CD36: variants seen among roughly 807,000 people sequenced by gnomAD.
The protein encoded by CD36 is CD36 molecule (CD36 blood group).
Under a neutral mutation model 55.2 loss-of-function variants are expected in CD36, and 119 were observed. That is an observed-to-expected ratio of 2.15 (90% confidence interval 1.86 to 2.51). The LOEUF (loss-of-function observed/expected upper bound fraction) is 2.51, where lower values mean the gene tolerates loss of function less well. Ranked by LOEUF, CD36 falls within the 30% of genes most tolerant of loss-of-function variation. The probability of loss-of-function intolerance (pLI) is 0.00; values close to 1 mark genes in which losing one functional copy is unlikely to be tolerated. For missense variants in CD36, 819 were observed against 555.5 expected (o/e 1.47, Z -4.77); for synonymous variants, 186 against 193.6 (o/e 0.96, Z 0.33).
At chr7:80,671,804 G>T in intron 10 of CD36, 118 bp from the exon 11 acceptor site, 1 of 865,242 alleles carries the variant, frequency 1.2e-6, no homozygotes, top group Non-Finnish European at 1.9e-6. Flanking sequence ...CCCCACCCAT[G>T]TTAAAAACCA....
At chr7:80,640,580 T>G (rs75059733) in intron 1 of CD36, among the ~76,000 whole-genome samples, 1,769 of 152,118 alleles carry the variant, frequency 0.012, 40 homozygotes, top group African/African-American at 0.04. Flanking sequence ...ATTTTTGGCA[T>G]TACAAACTTT....
intron 8 of CD36, among the ~76,000 whole-genome samples, chr7:80,669,736 A>T (rs1347617988): frequency 6.6e-6 from 1 of 152,098 alleles, no homozygotes; most frequent in Non-Finnish European, 1.5e-5. Flanking sequence ...ACCTCAGGTG[A>T]TCCACCCGCC....
At chr7:80,663,745 C>T (rs1298421171) in intron 6 of CD36, among the ~76,000 whole-genome samples, 1 of 152,076 alleles carries the variant, frequency 6.6e-6, no homozygotes, top group African/African-American at 2.4e-5. Context: ...TTGATTACCG[C>T]TTAATGTTTT....
chr7:80,609,610 T>C (rs1382941535), intron 1 of CD36, among the ~76,000 whole-genome samples: 6 of 152,230 alleles, frequency 3.9e-5, no homozygotes, highest in Non-Finnish European at 7.3e-5. Context: ...AAGAATACTT[T>C]AGGAATGTAT....
chr7:80,671,123 G>T lies in CD36; in HGVS notation c.965G>T (p.Cys322Phe), dbSNP rs143960084. ...ACAGAAAAAATTATCTCAAAAAATT[G>T]TACATCATATGGTGTGCTAGACATC... Reference protein sequence around the residue: ...FCTEKIISKNCTSYGVLDISK... With the variant: ...FCTEKIISKNFTSYGVLDISK... The change falls in exon 10 of 15, where the codon TGT (cysteine) becomes TTT (phenylalanine). Residue 322 changes from cysteine (C) to phenylalanine (F), a missense_variant. Coordinates refer to ENST00000447544, the MANE Select transcript of CD36 (RefSeq NM_001001548.3). 1 of 1,613,070 alleles carries T rather than the reference G, an allele frequency of 6.2e-7. No homozygotes were observed. Among genetic ancestry groups the T allele is most frequent in the African/African-American group, 1.3e-5 (1 of 74,880 alleles).
At chr7:80,631,237 A>G (rs886358679) in intron 1 of CD36, among the ~76,000 whole-genome samples, 2 of 152,048 alleles carry the variant, frequency 1.3e-5, no homozygotes, top group African/African-American at 2.4e-5. Flanking sequence ...TGATCACAGT[A>G]AATATGTTTG....
chr7:80,661,628 C>G (rs1416722119), intron 5 of CD36, among the ~76,000 whole-genome samples: 1 of 152,120 alleles, frequency 6.6e-6, no homozygotes, highest in Non-Finnish European at 1.5e-5. Context: ...CCATTCCGAG[C>G]TTTCCAGACA....
At chr7:80,647,723 G>A (rs1181789390) in intron 3 of CD36, among the ~76,000 whole-genome samples, 1 of 152,138 alleles carries the variant, frequency 6.6e-6, no homozygotes, top group African/African-American at 2.4e-5. Flanking sequence ...AAGGTGCCAA[G>A]AACAAGATAA....
intron 1 of CD36, among the ~76,000 whole-genome samples, chr7:80,610,288 C>G (rs1792804923): frequency 6.6e-6 from 1 of 152,100 alleles, no homozygotes; most frequent in South Asian, 2.1e-4. Flanking sequence ...TATTTGTGCT[C>G]TGTATGTCTC....
At chr7:80,664,984 A>G (rs1796920004) in intron 7 of CD36, among the ~76,000 whole-genome samples, 1 of 152,084 alleles carries the variant, frequency 6.6e-6, no homozygotes, top group South Asian at 2.1e-4. Context: ...ATGGAAGCTT[A>G]ATGAATCCAG....
intron 1 of CD36, among the ~76,000 whole-genome samples, chr7:80,630,638 C>T (rs1027754372): frequency 5.3e-5 from 8 of 151,982 alleles, no homozygotes; most frequent in African/African-American, 1.9e-4. Flanking sequence ...GGATTTATTT[C>T]ACCTCAAATT....
intron 1 of CD36, among the ~76,000 whole-genome samples, chr7:80,615,607 A>G (rs1793106405): frequency 6.6e-6 from 1 of 152,204 alleles, no homozygotes; most frequent in Non-Finnish European, 1.5e-5. Flanking sequence ...TATTTTATTC[A>G]TCTTTGCATG....
intron 11 of CD36, 81 bp downstream of exon 11, chr7:80,672,121 A>AT: frequency 8.9e-7 from 1 of 1,124,424 alleles, no homozygotes; most frequent in Non-Finnish European, 1.3e-6. Flanking sequence ...GTCGATGATT[A>AT]TTTATTCAAT....
At position 80,670,001 on chromosome 7, in the gene CD36, TC is replaced by T. The variant is rs1218395543; in HGVS notation, c.798del (p.Ser268LeufsTer18). On this transcript the variant is annotated frameshift_variant, in exon 9 of 15. Transcript: ENST00000447544. LOFTEE classifies it high-confidence loss of function. ...PFVEKSQVLQ[F>X]FSSDICRSIY... ...GTTGAGAAAAGCCAGGTATTGCAGT[TC>T]TTTTCTTCTGATATTTGCAGGTAAG... 1 of 1,609,816 alleles carries T rather than the reference TC, an allele frequency of 6.2e-7. No individual in the cohort carries two copies. The highest frequency in any genetic ancestry group is 8.5e-7 in the Non-Finnish European group (1 of 1,176,394).
intron 3 of CD36, among the ~76,000 whole-genome samples, chr7:80,651,017 C>T (rs1795570215): frequency 6.6e-6 from 1 of 151,660 alleles, no homozygotes; most frequent in South Asian, 2.1e-4. Context: ...CAAAATTCTA[C>T]CACCATTTAC....
intron 1 of CD36, among the ~76,000 whole-genome samples, chr7:80,617,985 A>G (rs1376129261): frequency 6.6e-6 from 1 of 152,072 alleles, no homozygotes; most frequent in Non-Finnish European, 1.5e-5. Context: ...GATGATTACT[A>G]TTTTCTGTCA....
chr7:80,650,469 G>A lies in CD36; in HGVS notation c.120+3609G>A, dbSNP rs186399631. 3.3e-5 allele frequency among the ~76,000 whole-genome samples: 5 copies of A among 152,118 alleles called. No homozygotes were observed. In the East Asian group the frequency reaches 7.7e-4, roughly 24 times the overall value. The stretch of plus-strand genomic sequence containing the variant: ...ATTTTGTGTAAACCTAGAGAGCCAA[G>A]TGTCTTACTGCTGCCTCAGAAATAC... On this transcript the variant is annotated intron_variant, in intron 3 of 14. Coordinates refer to ENST00000447544, the MANE Select transcript of CD36 (RefSeq NM_001001548.3).
At chr7:80,666,276 A>G (rs1249002810) in intron 7 of CD36, 167 bp from the exon 8 acceptor site, 12 of 615,372 alleles carry the variant, frequency 2.0e-5, no homozygotes, top group Non-Finnish European at 2.6e-5. Flanking sequence ...CAATAAGATA[A>G]AAGGTTCAAA....
chr7:80,631,783 A>G (rs892706417), intron 1 of CD36, among the ~76,000 whole-genome samples: 5 of 151,356 alleles, frequency 3.3e-5, no homozygotes, highest in African/African-American at 1.2e-4. Context: ...TAACATTTCC[A>G]GAAAAACATT....
Sources: gnomAD v4.1 joint callset for allele counts (sites outside exome capture counted in the v4.1 genomes callset) on GRCh38, gnomAD v4.1.1 for gene constraint, MANE v1.5 for transcripts, NCBI Gene and HGNC (gene_info 2026-07-23, HGNC 2026-07-21) for gene names.